INTS7: variants seen among roughly 807,000 people sequenced by gnomAD.
The protein encoded by INTS7 is chromosome 1 open reading frame 73.
Under a neutral mutation model 109.2 loss-of-function variants are expected in INTS7, and 46 were observed. The ratio of observed to expected loss-of-function variants is 0.42; its 90% confidence interval spans 0.33 to 0.54. The LOEUF is 0.54. Among genes scored for constraint, INTS7 ranks in the 20% least tolerant of loss-of-function variants. The probability of loss-of-function intolerance (pLI) is 0.07; values close to 1 mark genes in which losing one functional copy is unlikely to be tolerated. For synonymous variants in INTS7, 412 were observed against 402.9 expected (o/e 1.02, Z -0.27); for missense variants, 929 against 1,132.4 (o/e 0.82, Z 2.58).
At chr1:212,018,317 C>G (rs1014636853) in intron 3 of INTS7, among the ~76,000 whole-genome samples, 1 of 151,782 alleles carries the variant, frequency 6.6e-6, no homozygotes, top group Non-Finnish European at 1.5e-5. Flanking sequence ...TTATTGATAA[C>G]CACAGTGCTT....
chr1:212,013,482 GTTAAT>G (rs748185797), intron 4 of INTS7, among the ~76,000 whole-genome samples: 16 of 152,286 alleles, frequency 1.1e-4, no homozygotes, highest in Non-Finnish European at 1.9e-4. Context: ...GCAAGGTAAG[GTTAAT>G]TTATTGTTGA....
chr1:211,944,874 G>A lies in INTS7; in HGVS notation c.2511C>T (p.His837=), dbSNP rs76573676. 7,983 of 1,614,016 alleles carry A rather than the reference G, an allele frequency of 4.9e-3. 354 individuals carry two copies. In the African/African-American group the frequency reaches 0.094, roughly 19 times the overall value. Residue 837 remains histidine (H), a synonymous_variant, in exon 19 of 20, where the codon CAC becomes CAT. Coordinates refer to ENST00000366994, the MANE Select transcript of INTS7 (RefSeq NM_015434.4). ...TGCGGAAGAGTCCTGGTTTAGATCC[G>A]TGCTGAACCACTCCCTCTACCTTTA... ...LALKVEGVVQ[H]GSKPGLFRKI...
At chr1:212,016,803 T>G in intron 4 of INTS7, 83 bp downstream of exon 4, 3 of 1,064,024 alleles carry the variant, frequency 2.8e-6, no homozygotes, top group Non-Finnish European at 4.2e-6. Context: ...CTCTCAGTGT[T>G]TATATAAGTT....
At chr1:212,014,529 T>A (rs931306868) in intron 4 of INTS7, among the ~76,000 whole-genome samples, 7 of 151,056 alleles carry the variant, frequency 4.6e-5, no homozygotes, top group Non-Finnish European at 8.8e-5. Context: ...TTTTAAATTT[T>A]AAAAAAATTT....
At chr1:211,970,098 A>C (rs1664104813) in intron 13 of INTS7, among the ~76,000 whole-genome samples, 1 of 152,112 alleles carries the variant, frequency 6.6e-6, no homozygotes, top group Admixed American at 6.5e-5. Context: ...AGCTCAGATT[A>C]ATTTTAAAAA....
At chr1:211,949,976 C>G (rs1485154538) in intron 17 of INTS7, among the ~76,000 whole-genome samples, 1 of 152,238 alleles carries the variant, frequency 6.6e-6, no homozygotes, top group Non-Finnish European at 1.5e-5. Flanking sequence ...AATACATCTT[C>G]CCTCTCAACT....
At chr1:212,017,197 A>G (rs896447415) in intron 3 of INTS7, among the ~76,000 whole-genome samples, 174 bp from the exon 4 acceptor site, 19 of 152,236 alleles carry the variant, frequency 1.2e-4, no homozygotes, top group African/African-American at 4.6e-4. Context: ...AAACGCTTTT[A>G]CATATTTCAA....
rs145741313 is a variant in INTS7, at chr1:211,962,874, G to A, written c.2183+3556C>T. Among the ~76,000 whole-genome samples, 818 of 152,160 alleles carry A rather than the reference G, an allele frequency of 5.4e-3. 4 individuals are homozygous for A. Among genetic ancestry groups the A allele is most frequent in the African/African-American group, 0.019 (775 of 41,548 alleles). On this transcript the variant is annotated intron_variant, in intron 16 of 19. Transcript: ENST00000366994. ...TACCAGAATCTCTGGAACACAGCTAGTGTTAAGAAGGAAATGTACAGCACT... is the reference window on the plus strand; with the variant it reads ...TACCAGAATCTCTGGAACACAGCTAATGTTAAGAAGGAAATGTACAGCACT...
At position 212,006,634 on chromosome 1, in the gene INTS7, C is replaced by A; in HGVS notation, c.879+5G>T. On this transcript the variant is annotated splice_donor_5th_base_variant and intron_variant, in intron 7 of 19. Transcript: ENST00000366994. Reference sequence around the variant, plus strand: ...TCTATATAAAATGTTACAAGTTCTACATACCTGAATATTCTCCCTACTCCA... The same window carrying A: ...TCTATATAAAATGTTACAAGTTCTAAATACCTGAATATTCTCCCTACTCCA... 6.7e-7 allele frequency: 1 copy of A among 1,484,962 alleles called. No homozygotes were observed. The highest frequency in any genetic ancestry group is 9.2e-7 in the Non-Finnish European group (1 of 1,082,686). The allele number at this position is 1,484,962 out of a possible 1,614,324, so 92.0% of individuals were successfully genotyped here. A position where few individuals can be genotyped will look rare whatever the true frequency, so the allele number is the denominator to read the frequency against.
chr1:211,955,210 A>G (rs1027637821), intron 16 of INTS7, among the ~76,000 whole-genome samples: 2 of 152,162 alleles, frequency 1.3e-5, no homozygotes, highest in African/African-American at 2.4e-5. Flanking sequence ...TTATTGGTGT[A>G]TAAGAATGCT....
At chr1:211,985,295 T>C (rs1319300618) in intron 8 of INTS7, among the ~76,000 whole-genome samples, 2 of 152,214 alleles carry the variant, frequency 1.3e-5, no homozygotes, top group Non-Finnish European at 2.9e-5. Context: ...TCTTATATAT[T>C]TGAGCCATTT....
intron 13 of INTS7, among the ~76,000 whole-genome samples, chr1:211,969,859 C>A (rs1664093658): frequency 6.6e-6 from 1 of 151,984 alleles, no homozygotes; most frequent in African/African-American, 2.4e-5. Flanking sequence ...GCTGGGACTA[C>A]AGGCGCCTGC....
chr1:212,020,952 A>C (rs966415331), intron 2 of INTS7, 131 bp downstream of exon 2: 25 of 827,990 alleles, frequency 3.0e-5, no homozygotes, highest in Non-Finnish European at 1.7e-5. Context: ...TGTGCTGCAC[A>C]CAGTCATGTG....
intron 16 of INTS7, among the ~76,000 whole-genome samples, chr1:211,960,962 C>A (rs1663598290): frequency 6.6e-6 from 1 of 151,856 alleles, no homozygotes; most frequent in African/African-American, 2.4e-5. Context: ...TGGCAGTGAA[C>A]TGAGATCGCG....
chr1:211,944,672 A>T, intron 19 of INTS7, 112 bp downstream of exon 19: 1 of 829,776 alleles, frequency 1.2e-6, no homozygotes, highest in South Asian at 1.6e-5. Context: ...TGTCCATCTG[A>T]TCCCTTTGGA....
At chr1:212,032,787 T>C (rs935871916) in intron 1 of INTS7, among the ~76,000 whole-genome samples, 3 of 152,134 alleles carry the variant, frequency 2.0e-5, no homozygotes, top group Admixed American at 6.5e-5. Flanking sequence ...CTGACTCTGG[T>C]TATCTTTCTA....
intron 1 of INTS7, among the ~76,000 whole-genome samples, chr1:212,027,660 T>C (rs1398476665): frequency 3.3e-5 from 5 of 152,254 alleles, no homozygotes; most frequent in Non-Finnish European, 5.9e-5. Flanking sequence ...GCACTTAAAG[T>C]GTGCAGAGCT....
rs925809954 is a variant in INTS7, at chr1:211,959,616, C to T, written c.2183+6814G>A. Among the ~76,000 whole-genome samples the T allele has an allele frequency of 6.6e-5, 10 of 152,166 alleles. No homozygotes were observed. The highest frequency in any genetic ancestry group is 2.4e-4 in the African/African-American group (10 of 41,422). On this transcript the variant is annotated intron_variant, in intron 16 of 19. Transcript: ENST00000366994. This position sits in a 1 kb window ranked among gnomAD's most constrained non-coding sequence, Gnocchi z 4.2. Reference sequence around the variant, plus strand: ...AGTGCACGTTCACCTTGCCCTGCCACTGCTGCTGGTGCATTCTGCCCCCAT... The same window carrying T: ...AGTGCACGTTCACCTTGCCCTGCCATTGCTGCTGGTGCATTCTGCCCCCAT...
chr1:211,952,751 TAA>T, intron 16 of INTS7, 50 bp from the exon 17 acceptor site: 5 of 1,457,206 alleles, frequency 3.4e-6, no homozygotes, highest in Non-Finnish European at 4.8e-6. Flanking sequence ...CATGGCTATT[TAA>T]TGCCTACATG....
Sources: allele counts gnomAD v4.1 joint callset (sites outside exome capture counted in the v4.1 genomes callset), GRCh38; gene constraint gnomAD v4.1.1; non-coding constraint Gnocchi (gnomAD v3.1); transcripts MANE v1.5; gene names NCBI Gene and HGNC (gene_info 2026-07-23, HGNC 2026-07-21).